Variants in SYPL2 observed in about 807,000 individuals in gnomAD.
SYPL2 encodes the protein synaptophysin like 2, also known as synaptophysin-like protein 2.
A neutral mutation model predicts 31.3 loss-of-function variants in SYPL2; 24 were observed. That is an observed-to-expected ratio of 0.77 (90% confidence interval 0.56 to 1.08). The LOEUF (loss-of-function observed/expected upper bound fraction) is 1.08, where lower values mean the gene tolerates loss of function less well. Ranked by LOEUF, SYPL2 falls within the 50% of genes least tolerant of loss-of-function variation. The probability of loss-of-function intolerance (pLI) is 0.00; values close to 1 mark genes in which losing one functional copy is unlikely to be tolerated. For missense variants in SYPL2, 342 were observed against 360.1 expected (o/e 0.95, Z 0.41); for synonymous variants, 144 against 143.1 (o/e 1.01, Z -0.05).
chr1:109,477,188 A>G (rs1296426560), intron 4 of SYPL2, among the ~76,000 whole-genome samples: 2 of 152,200 alleles, frequency 1.3e-5, no homozygotes, highest in Non-Finnish European at 2.9e-5. Context: ...GCCTGGGTTC[A>G]GATCCCAGCA....
In SYPL2 at chr1:109,479,446, G is replaced by A. The variant is rs748356596; in HGVS notation, c.717G>A (p.Trp239Ter). 1 of 1,612,404 alleles carries A rather than the reference G, an allele frequency of 6.2e-7. No individual in the cohort carries two copies. The highest frequency in any genetic ancestry group is 1.1e-5 in the South Asian group (1 of 91,070). The change falls in exon 6 of 6, where the codon TGG becomes TGA. Residue 239 changes from tryptophan (W) to a stop codon, truncating the protein, a stop_gained. Transcript: ENST00000369872. LOFTEE classifies it high-confidence loss of function. ...GGTTTGTGTTCAAGGAGACCCCGTG[G>A]CATGGACAGGGCCAGGGCCAGGACC... ...NCWFVFKETP[W>*]HGQGQGQDQD...
intron 2 of SYPL2, among the ~76,000 whole-genome samples, chr1:109,471,194 T>C (rs1023416938): frequency 6.6e-6 from 1 of 152,200 alleles, no homozygotes; most frequent in Non-Finnish European, 1.5e-5. Context: ...GATGATTGGG[T>C]GTGAGAATCT....
intron 4 of SYPL2, 139 bp from the exon 5 acceptor site, chr1:109,477,679 G>A: frequency 7.9e-7 from 1 of 1,259,390 alleles, no homozygotes; most frequent in Non-Finnish European, 1.1e-6. Context: ...AGGACCACCT[G>A]GGTTCTAGGT....
intron 2 of SYPL2, among the ~76,000 whole-genome samples, chr1:109,473,689 G>A (rs956227896): frequency 5.9e-5 from 9 of 152,076 alleles, no homozygotes; most frequent in Non-Finnish European, 5.9e-5. Flanking sequence ...TCAGGAGACC[G>A]AGACCATCCT....
At chr1:109,472,430 T>C (rs554288794) in intron 2 of SYPL2, among the ~76,000 whole-genome samples, 2 of 151,992 alleles carry the variant, frequency 1.3e-5, no homozygotes, top group South Asian at 4.2e-4. Flanking sequence ...TAGATAATAG[T>C]GCCTGGAACC....
intron 2 of SYPL2, among the ~76,000 whole-genome samples, chr1:109,473,228 A>C (rs1655886163): frequency 1.3e-5 from 2 of 152,236 alleles, no homozygotes; most frequent in Admixed American, 1.3e-4. Flanking sequence ...TCTGTGAAGA[A>C]GGCGGGCAGA....
Position 109,466,606 on chromosome 1 carries a change from C to A in SYPL2, c.-238C>A. On this transcript the variant is annotated 5_prime_UTR_variant, in exon 1 of 6. It adds an upstream start codon to the 5' untranslated region. Coordinates refer to ENST00000369872, the MANE Select transcript of SYPL2 (RefSeq NM_001040709.2). ...AGTTTGAATCCGAGTCGGGGGCTTT[C>A]TGCTGCCGGCGGGGCACCGCGGCGG... 1 of 408,400 alleles carries A rather than the reference C, an allele frequency of 2.4e-6. No individual in the cohort carries two copies. The highest frequency in any genetic ancestry group is 4.3e-6 in the Non-Finnish European group (1 of 233,636). 25.3% of individuals were successfully genotyped at this position (408,400 alleles called of 1,614,324 possible).
rs1288388843 is a variant in SYPL2 at position 109,479,322 on chromosome 1, C to G, written c.649-56C>G. The G allele has an allele frequency of 3.2e-5, 51 of 1,588,132 alleles. No homozygotes were observed. The Admixed American group carries it at 8.1e-4, about 25-fold the overall frequency. On this transcript the variant is annotated intron_variant, in intron 5 of 5. Transcript: ENST00000369872. ...CAACTGCAATAGGAACTCCCCCTCC[C>G]TGTTCCCACAATGACCCCCTGACTA...
At position 109,480,498 on chromosome 1, in the gene SYPL2, T is replaced by A. The variant is rs1273953951; in HGVS notation, c.*950T>A. 1 of 152,300 alleles carries A rather than the reference T, an allele frequency of 6.6e-6. No homozygotes were observed. The highest frequency in any genetic ancestry group is 2.4e-5 in the African/African-American group (1 of 41,436). 9.4% of individuals were successfully genotyped at this position (152,300 alleles called of 1,614,324 possible). On this transcript the variant is annotated 3_prime_UTR_variant, in exon 6 of 6. Transcript: ENST00000369872. The stretch of plus-strand genomic sequence containing the variant: ...CATCTGAGGCATTTGAGATCCTTTT[T>A]GAAGTCTGTCCAGGCCTTCCTTTTA...
chr1:109,467,169 G>T (rs1021399329), intron 2 of SYPL2, 36 bp downstream of exon 2: 5 of 1,522,296 alleles, frequency 3.3e-6, no homozygotes, highest in Non-Finnish European at 4.4e-6. Flanking sequence ...TATTTCGGGA[G>T]CCTGGGCTGT....
At chr1:109,473,575 C>G (rs1655897433) in intron 2 of SYPL2, among the ~76,000 whole-genome samples, 1 of 152,124 alleles carries the variant, frequency 6.6e-6, no homozygotes, top group South Asian at 2.1e-4. Context: ...GAAAGGGCCT[C>G]TAGATTATCT....
In SYPL2 at chr1:109,466,822, GC is replaced by G; in HGVS notation, c.-19del. ...CCAGAGAGCCAAGCCACCACGCCGC[GC>G]CCAGCGCTCGCCGCGCCAGCATGTC... On this transcript the variant is annotated 5_prime_UTR_variant, in exon 1 of 6. Coordinates refer to ENST00000369872, the MANE Select transcript of SYPL2 (RefSeq NM_001040709.2). The G allele has an allele frequency of 1.3e-6, 2 of 1,510,956 alleles. No homozygotes were observed. Among genetic ancestry groups the G allele is most frequent in the Non-Finnish European group, 1.8e-6 (2 of 1,136,904 alleles). The allele number at this position is 1,510,956 out of a possible 1,614,324, so 93.6% of individuals were successfully genotyped here. A position where few individuals can be genotyped will look rare whatever the true frequency, so the allele number is the denominator to read the frequency against.
intron 2 of SYPL2, among the ~76,000 whole-genome samples, chr1:109,469,593 C>G (rs755007468): frequency 1.3e-5 from 2 of 151,278 alleles, no homozygotes; most frequent in African/African-American, 2.4e-5. Flanking sequence ...AAGAAAAAGA[C>G]ACACTTTGGG....
At position 109,478,144 on chromosome 1, in the gene SYPL2, C is replaced by A; in HGVS notation, c.648+135C>A. The A allele has an allele frequency of 6.9e-7, 1 of 1,445,776 alleles. No homozygotes were observed. Among genetic ancestry groups the A allele is most frequent in the Non-Finnish European group, 9.1e-7 (1 of 1,101,578 alleles). The allele number at this position is 1,445,776 out of a possible 1,614,324, so 89.6% of individuals were successfully genotyped here. On this transcript the variant is annotated intron_variant, in intron 5 of 5. Transcript: ENST00000369872. This position sits in a 1 kb window ranked among gnomAD's most constrained non-coding sequence, Gnocchi z 4.0. ...GCACCTGGAGCTGGTGCCCTCACTG[C>A]GCTTCATGCTGGCTGCTGGCTCCTG...
chr1:109,466,653 A>G lies in SYPL2; in HGVS notation c.-191A>G. The G allele has an allele frequency of 2.0e-6, 1 of 492,056 alleles. No individual in the cohort carries two copies. The highest frequency in any genetic ancestry group is 3.3e-6 in the Non-Finnish European group (1 of 303,456). 30.5% of individuals were successfully genotyped at this position (492,056 alleles called of 1,614,324 possible). The stretch of plus-strand genomic sequence containing the variant: ...GCGGCCGCAGCCTCTGAGAGCACGA[A>G]CAGCAGCGCCCCCGCGTCCCAGCCA... On this transcript the variant is annotated 5_prime_UTR_variant, in exon 1 of 6. Transcript: ENST00000369872.
Position 109,475,632 on chromosome 1 carries a change from G to A in SYPL2, c.181G>A (p.Gly61Arg). The A allele has an allele frequency of 6.2e-7, 1 of 1,614,148 alleles. No individual in the cohort carries two copies. The highest frequency in any genetic ancestry group is 8.5e-7 in the Non-Finnish European group (1 of 1,180,004). ...CTGTGGCTCCTACAGCGGGGAGACA[G>A]GAGCAATGGTTCGCTGCAACAACGA... ...GSCGSYSGET[G>R]AMVRCNNEAK... The change falls in exon 3 of 6, where the codon GGA (glycine) becomes AGA (arginine). Residue 61 changes from glycine to arginine, a missense_variant. Transcript: ENST00000369872.
chr1:109,471,945 T>C (rs898002157), intron 2 of SYPL2, among the ~76,000 whole-genome samples: 2 of 151,976 alleles, frequency 1.3e-5, no homozygotes, highest in Non-Finnish European at 2.9e-5. Flanking sequence ...CCTCAAGTGA[T>C]CCTCCCACCT....
At chr1:109,470,085 T>C (rs1450598733) in intron 2 of SYPL2, among the ~76,000 whole-genome samples, 2 of 151,890 alleles carry the variant, frequency 1.3e-5, no homozygotes, top group Non-Finnish European at 2.9e-5. Flanking sequence ...ATTTCCAAGC[T>C]CAGGCAATCC....
chr1:109,476,436 C>T (rs1655999793), intron 3 of SYPL2, among the ~76,000 whole-genome samples: 1 of 152,192 alleles, frequency 6.6e-6, no homozygotes, highest in Admixed American at 6.5e-5. Flanking sequence ...TGAAGCTGAT[C>T]TGCCTAGTGG....
Sources: gnomAD v4.1 joint callset for allele counts (sites outside exome capture counted in the v4.1 genomes callset) on GRCh38, gnomAD v4.1.1 for gene constraint, Gnocchi (gnomAD v3.1) non-coding constraint, MANE v1.5 for transcripts, NCBI Gene and HGNC (gene_info 2026-07-23, HGNC 2026-07-21) for gene names.